Variants in STK3 observed in about 807,000 individuals in gnomAD.
The protein encoded by STK3 is serine/threonine-protein kinase 3.
A neutral mutation model predicts 58.0 loss-of-function variants in STK3; 41 were observed. The ratio of observed to expected loss-of-function variants is 0.71; its 90% confidence interval spans 0.55 to 0.92. The LOEUF is 0.92. Among genes scored for constraint, STK3 ranks in the 40% least tolerant of loss-of-function variants. The pLI is 0.00. For missense variants in STK3, 479 were observed against 602.7 expected (o/e 0.79, Z 2.15); for synonymous variants, 170 against 191.0 (o/e 0.89, Z 0.91).
intron 10 of STK3, among the ~76,000 whole-genome samples, chr8:98,482,445 T>C (rs1003554031): frequency 6.6e-6 from 1 of 152,212 alleles, no homozygotes; most frequent in Non-Finnish European, 1.5e-5. Context: ...CATGTAAGTA[T>C]AAAATACAAT....
At chr8:98,848,215 TCC>T (rs1836286004) in intron 3 of STK3, among the ~76,000 whole-genome samples, 2 of 151,754 alleles carry the variant, frequency 1.3e-5, no homozygotes, top group South Asian at 2.1e-4. Context: ...CCCTCATCCC[TCC>T]CAGTCCCTGG....
chr8:98,887,478 A>C (rs892688508), intron 1 of STK3, among the ~76,000 whole-genome samples: 3 of 152,236 alleles, frequency 2.0e-5, no homozygotes, highest in African/African-American at 4.8e-5. Context: ...CTTTCTGTGA[A>C]TCTATAATGG....
At chr8:98,666,865 C>T (rs144972630) in intron 6 of STK3, among the ~76,000 whole-genome samples, 52 of 152,168 alleles carry the variant, frequency 3.4e-4, no homozygotes, top group African/African-American at 1.1e-3. Flanking sequence ...GGAAAAAATG[C>T]TAGAAAAGAT....
intron 10 of STK3, among the ~76,000 whole-genome samples, chr8:98,520,947 C>T (rs1187248757): frequency 6.6e-6 from 1 of 152,106 alleles, no homozygotes; most frequent in Non-Finnish European, 1.5e-5. Flanking sequence ...TCTCTCTTTG[C>T]CCCTCTTACA....
the STK3 span, among the ~76,000 whole-genome samples, chr8:98,351,731 A>G: frequency 2.0e-5 from 3 of 152,322 alleles, no homozygotes; most frequent in East Asian, 5.8e-4. Flanking sequence ...CCTAGCATTC[A>G]GGCTGATTCT....
In STK3 at chr8:98,387,176, A is replaced by T. The variant is rs182350247; in HGVS notation, n.56+1016T>A. ...CCTAGTAAGATATGACATAAAGATT[A>T]AAAAAAATCTTGCATAGAAATACAA... On this transcript the variant is annotated intron_variant and non_coding_transcript_variant, in intron 1 of 2. Transcript: ENST00000518704. Among the ~76,000 whole-genome samples the T allele has an allele frequency of 1.2e-4, 18 of 152,218 alleles. 1 individual carries two copies. In the East Asian group the frequency reaches 1.9e-3, roughly 16 times the overall value.
intron 10 of STK3, among the ~76,000 whole-genome samples, chr8:98,517,761 C>T (rs1226394992): frequency 6.6e-6 from 1 of 151,974 alleles, no homozygotes; most frequent in Non-Finnish European, 1.5e-5. Context: ...AAGGTAAACA[C>T]TGTTGGGCTA....
At chr8:98,932,823 C>T (rs949698110) in intron 1 of STK3, among the ~76,000 whole-genome samples, 1 of 152,172 alleles carries the variant, frequency 6.6e-6, no homozygotes, top group Non-Finnish European at 1.5e-5. Flanking sequence ...GCTATTGATA[C>T]AGCCAATTAC....
chr8:98,434,789 A>G lies in STK3; in HGVS notation n.292-471T>C, dbSNP rs2131081341. On this transcript the variant is annotated intron_variant and non_coding_transcript_variant, in intron 2 of 3. Transcript: ENST00000517832. ...CAGAAGGAACAGTGGATAAAAAGAAACCAGAAATCGGAGGGAAAGAGAGAA... is the reference window on the plus strand; with the variant it reads ...CAGAAGGAACAGTGGATAAAAAGAAGCCAGAAATCGGAGGGAAAGAGAGAA... Among the ~76,000 whole-genome samples, 2 of 152,316 alleles carry G rather than the reference A, an allele frequency of 1.3e-5. 1 individual carries two copies. Among genetic ancestry groups the G allele is most frequent in the South Asian group, 4.2e-4 (2 of 4,814 alleles).
chr8:98,717,284 T>A (rs1050200252), intron 4 of STK3, among the ~76,000 whole-genome samples: 4 of 151,436 alleles, frequency 2.6e-5, no homozygotes, highest in Admixed American at 6.6e-5. Flanking sequence ...ACGTATCTGA[T>A]AAGACATTAA....
intron 8 of STK3, among the ~76,000 whole-genome samples, chr8:98,554,844 T>C (rs1811473482): frequency 6.6e-6 from 1 of 152,156 alleles, no homozygotes; most frequent in Admixed American, 6.6e-5. Context: ...GTATTATAAT[T>C]TCATTTGATA....
chr8:98,821,950 A>C (rs986144446), intron 1 of STK3, among the ~76,000 whole-genome samples: 1 of 152,184 alleles, frequency 6.6e-6, no homozygotes, highest in Non-Finnish European at 1.5e-5. Flanking sequence ...ATGCCCAAAG[A>C]AGCAAATTTC....
chr8:98,786,255 A>G (rs1800082523), intron 1 of STK3, among the ~76,000 whole-genome samples: 1 of 152,230 alleles, frequency 6.6e-6, no homozygotes, highest in Non-Finnish European at 1.5e-5. Flanking sequence ...AAGCAAAAGA[A>G]AGAATTTCAG....
intron 1 of STK3, among the ~76,000 whole-genome samples, chr8:98,796,994 C>A (rs1833218124): frequency 6.6e-6 from 1 of 152,194 alleles, no homozygotes; most frequent in Non-Finnish European, 1.5e-5. Flanking sequence ...AACTTAAAGT[C>A]ACCAACCTCA....
intron 1 of STK3, among the ~76,000 whole-genome samples, chr8:98,381,586 G>C (rs1447729888): frequency 1.3e-5 from 2 of 152,232 alleles, no homozygotes; most frequent in Non-Finnish European, 2.9e-5. Context: ...CCACAGGGTT[G>C]GGAGTCAGTT....
chr8:98,936,303 C>T (rs1222844324), intron 1 of STK3, among the ~76,000 whole-genome samples: 1 of 152,134 alleles, frequency 6.6e-6, no homozygotes, highest in African/African-American at 2.4e-5. Flanking sequence ...ACTTGCCCAA[C>T]ATAATAGAGC....
chr8:98,406,460 T>C (rs1817994021), intron 3 of STK3, among the ~76,000 whole-genome samples: 1 of 151,906 alleles, frequency 6.6e-6, no homozygotes, highest in African/African-American at 2.4e-5. Context: ...ACCTCCCCCC[T>C]CTAGGGTTCC....
At chr8:98,832,255 A>T (rs10086087) in intron 3 of STK3, among the ~76,000 whole-genome samples, 10,612 of 138,680 alleles carry the variant, frequency 0.077, 417 homozygotes, top group South Asian at 0.091. Flanking sequence ...AAAAAAAAAA[A>T]ATATATATAT....
intron 6 of STK3, among the ~76,000 whole-genome samples, chr8:98,684,597 C>G (rs377088285): frequency 6.6e-6 from 1 of 152,100 alleles, no homozygotes; most frequent in African/African-American, 2.4e-5. Flanking sequence ...ATACACTATC[C>G]CTTTTGATCT....
Sources: gnomAD v4.1 joint callset for allele counts (sites outside exome capture counted in the v4.1 genomes callset) on GRCh38, gnomAD v4.1.1 for gene constraint, MANE v1.5 for transcripts, NCBI Gene and HGNC (gene_info 2026-07-23, HGNC 2026-07-21) for gene names.